The following GANC variants were observed in gnomAD, a reference collection of about 807,000 sequenced individuals.
GANC encodes neutral alpha-glucosidase C.
Under a neutral mutation model 124.2 loss-of-function variants are expected in GANC, and 117 were observed. The ratio of observed to expected loss-of-function variants is 0.94; its 90% confidence interval spans 0.81 to 1.10. The LOEUF (loss-of-function observed/expected upper bound fraction) is 1.10. GANC is among the 50% of genes least tolerant of loss of function. GANC has a pLI of 0.00. For missense variants in GANC, 1,140 were observed against 1,095.0 expected, an observed-to-expected ratio of 1.04 and a Z score of -0.58; for synonymous variants, 377 against 376.8, an observed-to-expected ratio of 1.00 and a Z score of -0.01.
chr15:42,338,369 A>G lies in GANC; in HGVS notation c.1742-20A>G, dbSNP rs2052300294. On this transcript the variant is annotated intron_variant, in intron 15 of 23. Coordinates refer to ENST00000318010, the MANE Select transcript of GANC (RefSeq NM_198141.3). ...ATGGGTTGATTTGTGATTTTAATAC[A>G]TTGTTGCTGGTGACCAAAGGTGCCG... The G allele has an allele frequency of 6.3e-7, 1 of 1,577,100 alleles. No homozygotes were observed.
Position 42,274,517 on chromosome 15 carries a change from G to A in GANC, c.29+7G>A, listed in dbSNP as rs372775800. On this transcript the variant is annotated splice_region_variant and intron_variant, in intron 1 of 23. Transcript: ENST00000318010. ...CAGTGAAAGAGGAAATAAGGTAAAG[G>A]CCAAGTGCTTCTGTAGCGAGTGACC... 8.1e-6 allele frequency: 13 copies of A among 1,607,814 alleles called. No homozygotes were observed. The highest frequency in any genetic ancestry group is 3.3e-4 in the Middle Eastern group (2 of 6,054).
intron 18 of GANC, 121 bp from the exon 19 acceptor site, chr15:42,342,956 CT>C: frequency 2.7e-6 from 2 of 731,672 alleles, no homozygotes; most frequent in Non-Finnish European, 4.7e-6. Flanking sequence ...CAGTCTCTGC[CT>C]CTCCAAAGTT....
At chr15:42,343,878 G>C (rs1390968710) in intron 19 of GANC, among the ~76,000 whole-genome samples, 1 of 152,164 alleles carries the variant, frequency 6.6e-6, no homozygotes, top group African/African-American at 2.4e-5. Flanking sequence ...GTGGAAGGGA[G>C]AGCAGGAAGG....
intron 15 of GANC, among the ~76,000 whole-genome samples, chr15:42,331,923 T>G (rs1192188764): frequency 6.6e-6 from 1 of 152,190 alleles, no homozygotes; most frequent in Non-Finnish European, 1.5e-5. Context: ...ATTAACCTAA[T>G]TTTGTATTGA....
chr15:42,301,703 C>A (rs144314454), intron 6 of GANC, among the ~76,000 whole-genome samples: 1 of 152,144 alleles, frequency 6.6e-6, no homozygotes, highest in Non-Finnish European at 1.5e-5. Context: ...CTTGAGTAGG[C>A]GGTTTTCCCC....
At chr15:42,295,949 C>G (rs1382058296) in intron 5 of GANC, among the ~76,000 whole-genome samples, 1 of 152,098 alleles carries the variant, frequency 6.6e-6, no homozygotes, top group East Asian at 1.9e-4. Context: ...TGAGACCAGC[C>G]TGGCCAACAT....
At chr15:42,337,300 A>G (rs1237801814) in intron 15 of GANC, among the ~76,000 whole-genome samples, 2 of 152,254 alleles carry the variant, frequency 1.3e-5, no homozygotes, top group Non-Finnish European at 2.9e-5. Flanking sequence ...AATACTATGC[A>G]GCCATAAAAA....
intron 11 of GANC, among the ~76,000 whole-genome samples, chr15:42,324,901 A>G (rs2052186333): frequency 6.6e-6 from 1 of 152,142 alleles, no homozygotes; most frequent in Non-Finnish European, 1.5e-5. Flanking sequence ...TACATACTTA[A>G]CAGTACTAAA....
Position 42,343,172 on chromosome 15 carries a change from C to G in GANC, c.2229+18C>G, listed in dbSNP as rs775161929. The G allele has an allele frequency of 2.5e-6, 4 of 1,597,404 alleles. No homozygotes were observed. The East Asian group carries it at 8.9e-5, about 36-fold the overall frequency. ...CAAATGAGGTAAGAGTAATAACAGC[C>G]ACATATCTGATATGTCTCATATCTC... On this transcript the variant is annotated intron_variant, in intron 19 of 23. Transcript: ENST00000318010.
chr15:42,351,345 G>A lies in GANC; in HGVS notation c.2548G>A (p.Gly850Ser). Reference protein sequence around the residue: ...VLINSFADQRGHYPSKCVVEK... With the variant: ...VLINSFADQRSHYPSKCVVEK... ...CTATTCCAGTTTTGCTGACCAGAGG[G>A]GTCATTATCCCAGCAAGTGTGTGGT... is the stretch of plus-strand genomic sequence containing the variant. Residue 850 changes from glycine to serine, a missense_variant, in exon 23 of 24, where the codon GGT becomes AGT. Physicochemically the swap from Gly to Ser is moderately conservative, Grantham distance 56. Transcript: ENST00000318010. 1 of 1,613,864 alleles carries A rather than the reference G, an allele frequency of 6.2e-7. No homozygotes were observed. Among genetic ancestry groups the A allele is most frequent in the East Asian group, 2.2e-5 (1 of 44,882 alleles).
In GANC at chr15:42,340,686, C is replaced by T; in HGVS notation, c.2088-4C>T. On this transcript the variant is annotated splice_region_variant and splice_polypyrimidine_tract_variant and intron_variant, in intron 17 of 23. Coordinates refer to ENST00000318010, the MANE Select transcript of GANC (RefSeq NM_198141.3). ...TAAAACAATAATTTTTTTTCTTTCC[C>T]CAGGCCTCTGTGGGTAGAGTTCCCT... The T allele has an allele frequency of 6.3e-7, 1 of 1,599,846 alleles. No individual in the cohort carries two copies. The highest frequency in any genetic ancestry group is 1.1e-5 in the South Asian group (1 of 88,762).
In GANC at chr15:42,326,503, TC is replaced by T. The variant is rs145746443; in HGVS notation, c.1420+82del. On this transcript the variant is annotated intron_variant, in intron 12 of 23. Coordinates refer to ENST00000318010, the MANE Select transcript of GANC (RefSeq NM_198141.3). ...GAAGGCTGCGTGGTCATCATTCTGC[TC>T]CCTTGTAGATGTCTCTTGCTCCTCT... 7.3e-3 allele frequency: 11,623 copies of T among 1,595,880 alleles called. 243 individuals carry two copies. Among genetic ancestry groups the T allele is most frequent in the African/African-American group, 0.065 (4,857 of 74,578 alleles).
At chr15:42,278,857 C>T (rs1422119802) in intron 3 of GANC, among the ~76,000 whole-genome samples, 1 of 151,972 alleles carries the variant, frequency 6.6e-6, no homozygotes, top group Admixed American at 6.6e-5. Context: ...TATCCAGGCA[C>T]AGTGGTGTAT....
At position 42,306,488 on chromosome 15, in the gene GANC, G is replaced by A. The variant is rs112895439; in HGVS notation, c.559-58G>A. ...TAATCCAAATAAAATGAGCTATTGTGGTAAACACATTTGTTGCAATTTGTA... is the reference window on the plus strand; with the variant it reads ...TAATCCAAATAAAATGAGCTATTGTAGTAAACACATTTGTTGCAATTTGTA... On this transcript the variant is annotated intron_variant, in intron 6 of 23. Transcript: ENST00000318010. 2.3e-3 allele frequency: 3,052 copies of A among 1,317,262 alleles called. 45 individuals are homozygous for A. In the African/African-American group the frequency reaches 0.036, roughly 16 times the overall value. The allele number at this position is 1,317,262 out of a possible 1,614,324, so 81.6% of individuals were successfully genotyped here. A position where few individuals can be genotyped will look rare whatever the true frequency, so the allele number is the denominator to read the frequency against.
At chr15:42,337,253 A>T (rs1156626079) in intron 15 of GANC, among the ~76,000 whole-genome samples, 2 of 152,228 alleles carry the variant, frequency 1.3e-5, no homozygotes, top group East Asian at 3.8e-4. Flanking sequence ...ATCAGTGGTA[A>T]ACTGGATAAA....
intron 8 of GANC, among the ~76,000 whole-genome samples, chr15:42,308,756 A>G (rs567170202): frequency 6.6e-6 from 1 of 152,300 alleles, no homozygotes; most frequent in South Asian, 2.1e-4. Context: ...AAGTGCTGGT[A>G]TTACAGCAGT....
intron 2 of GANC, chr15:42,277,981 T>G: frequency 4.1e-6 from 1 of 244,018 alleles, no homozygotes; most frequent in Non-Finnish European, 8.9e-6. Context: ...AAAAATTGTA[T>G]TATACAGTAT....
At chr15:42,311,404 C>T (rs1395747587) in intron 10 of GANC, among the ~76,000 whole-genome samples, 1 of 151,808 alleles carries the variant, frequency 6.6e-6, no homozygotes, top group Admixed American at 6.6e-5. Flanking sequence ...CCAAAGAATC[C>T]ACAAAAAAAT....
intron 18 of GANC, among the ~76,000 whole-genome samples, chr15:42,341,968 T>C (rs545990942): frequency 6.6e-6 from 1 of 152,326 alleles, no homozygotes; most frequent in East Asian, 1.9e-4. Flanking sequence ...TTATACCTTA[T>C]TCTACCTAGT....
Sources: allele counts gnomAD v4.1 joint callset (sites outside exome capture counted in the v4.1 genomes callset), GRCh38; gene constraint gnomAD v4.1.1; transcripts MANE v1.5; gene names NCBI Gene and HGNC (gene_info 2026-07-23, HGNC 2026-07-21).